Variants in ANO3 observed in about 807,000 individuals in gnomAD.
The protein encoded by ANO3 is anoctamin-3.
In ANO3, 99 loss-of-function variants were observed where a neutral mutation model predicts 144.8. That is an observed-to-expected ratio of 0.68 (90% CI 0.58 to 0.81). The LOEUF (loss-of-function observed/expected upper bound fraction) is 0.81, where lower values mean the gene tolerates loss of function less well. Among genes scored for constraint, ANO3 ranks in the 30% least tolerant of loss-of-function variants. The pLI is 0.00. For missense variants in ANO3, 905 were observed against 1,202.2 expected, an observed-to-expected ratio of 0.75 and a Z score of 3.66; for synonymous variants, 414 against 392.6, an observed-to-expected ratio of 1.05 and a Z score of -0.64.
intron 1 of ANO3, among the ~76,000 whole-genome samples, chr11:26,339,800 TTAACCTG>T (rs1855305890): frequency 6.6e-6 from 1 of 152,244 alleles, no homozygotes; most frequent in African/African-American, 2.4e-5. Flanking sequence ...AATAATATTC[TTAACCTG>T]TAGCGTATTA....
At chr11:26,233,490 G>T (rs1353285661) in intron 1 of ANO3, among the ~76,000 whole-genome samples, 1 of 152,188 alleles carries the variant, frequency 6.6e-6, no homozygotes, top group Non-Finnish European at 1.5e-5. Flanking sequence ...TTACACTGTT[G>T]ATGTGAGTGT....
intron 1 of ANO3, among the ~76,000 whole-genome samples, chr11:26,402,734 G>A (rs980832732): frequency 1.3e-5 from 2 of 151,792 alleles, no homozygotes; most frequent in African/African-American, 4.8e-5. Flanking sequence ...AGGAGGGAGA[G>A]GATCAAGACA....
intron 1 of ANO3, among the ~76,000 whole-genome samples, chr11:26,224,820 T>A (rs2133796034): frequency 1.3e-5 from 2 of 152,306 alleles, no homozygotes; most frequent in South Asian, 4.1e-4. Context: ...TGCTGGGCTT[T>A]GATCCATCTG....
intron 4 of ANO3, among the ~76,000 whole-genome samples, chr11:26,492,403 T>C (rs1441028209): frequency 1.3e-5 from 2 of 152,216 alleles, no homozygotes; most frequent in Non-Finnish European, 2.9e-5. Flanking sequence ...AACTTATCTG[T>C]TCAATAAAAC....
intron 26 of ANO3, among the ~76,000 whole-genome samples, chr11:26,657,690 A>G (rs1292837413): frequency 6.6e-6 from 1 of 152,066 alleles, no homozygotes; most frequent in Non-Finnish European, 1.5e-5. Context: ...AAAAAAATAC[A>G]TAGTATTAAT....
chr11:26,620,089 A>G (rs1852372322), intron 17 of ANO3, among the ~76,000 whole-genome samples: 1 of 152,212 alleles, frequency 6.6e-6, no homozygotes, highest in Non-Finnish European at 1.5e-5. Context: ...GCTCTTTCCT[A>G]GGCCTACCAT....
chr11:26,201,213 A>G (rs1851686096), intron 1 of ANO3, among the ~76,000 whole-genome samples: 1 of 152,248 alleles, frequency 6.6e-6, no homozygotes, highest in African/African-American at 2.4e-5. Flanking sequence ...TAAAAGTACA[A>G]CATTGACTAG....
chr11:26,194,682 T>C (rs566399366), intron 1 of ANO3, among the ~76,000 whole-genome samples: 44 of 152,000 alleles, frequency 2.9e-4, no homozygotes, highest in African/African-American at 9.9e-4. Flanking sequence ...GTATTTTTAG[T>C]AGAAACGAGG....
chr11:26,476,816 C>T (rs1405165305), intron 4 of ANO3, among the ~76,000 whole-genome samples: 1 of 151,770 alleles, frequency 6.6e-6, no homozygotes, highest in Non-Finnish European at 1.5e-5. Context: ...AGAAAAATCA[C>T]ACTGGAATTG....
intron 1 of ANO3, among the ~76,000 whole-genome samples, chr11:26,412,833 T>C (rs948399589): frequency 5.3e-5 from 8 of 151,726 alleles, no homozygotes; most frequent in African/African-American, 1.9e-4. Context: ...TGTGTGTATG[T>C]ATGCATTATT....
At chr11:26,347,276 A>C (rs1855520636) in intron 1 of ANO3, among the ~76,000 whole-genome samples, 2 of 152,246 alleles carry the variant, frequency 1.3e-5, no homozygotes, top group South Asian at 4.1e-4. Flanking sequence ...GGACCAGTGA[A>C]GTGCCTGCCA....
chr11:26,441,408 C>T (rs899390606), intron 1 of ANO3, among the ~76,000 whole-genome samples: 3 of 151,466 alleles, frequency 2.0e-5, no homozygotes, highest in Non-Finnish European at 4.4e-5. Flanking sequence ...TGAGCCACTG[C>T]GCCCGGCCTG....
intron 4 of ANO3, among the ~76,000 whole-genome samples, chr11:26,485,201 A>G (rs185965952): frequency 6.6e-6 from 1 of 152,302 alleles, no homozygotes; most frequent in African/African-American, 2.4e-5. Flanking sequence ...GGTAGGGGCC[A>G]GGGGCAGAAT....
chr11:26,389,860 C>T (rs750207011), intron 1 of ANO3, among the ~76,000 whole-genome samples: 1 of 151,998 alleles, frequency 6.6e-6, no homozygotes. Flanking sequence ...AAGAAGTTTA[C>T]AATAAACCTG....
At chr11:26,502,571 C>T (rs1157386381) in intron 4 of ANO3, among the ~76,000 whole-genome samples, 1 of 152,102 alleles carries the variant, frequency 6.6e-6, no homozygotes, top group African/African-American at 2.4e-5. Context: ...TGGATAAAGA[C>T]TGGCTGTGGT....
chr11:26,498,014 T>G (rs901055434), intron 4 of ANO3, among the ~76,000 whole-genome samples: 1 of 152,058 alleles, frequency 6.6e-6, no homozygotes, highest in Non-Finnish European at 1.5e-5. Context: ...GAAAGTTGTC[T>G]TTGCCAGCTG....
intron 6 of ANO3, among the ~76,000 whole-genome samples, chr11:26,523,575 T>C (rs959677787): frequency 2.6e-5 from 4 of 152,198 alleles, no homozygotes; most frequent in African/African-American, 4.8e-5. Flanking sequence ...AAAGTACTTA[T>C]AATGGCAAGT....
intron 21 of ANO3, among the ~76,000 whole-genome samples, chr11:26,640,502 G>A (rs1015556373): frequency 1.3e-5 from 2 of 152,158 alleles, no homozygotes; most frequent in Admixed American, 6.5e-5. Context: ...GAAAGAAATA[G>A]GAAATTAGAT....
intron 3 of ANO3, among the ~76,000 whole-genome samples, chr11:26,452,873 C>T (rs1450710069): frequency 6.6e-6 from 1 of 152,180 alleles, no homozygotes; most frequent in Non-Finnish European, 1.5e-5. Context: ...AGACTGACAG[C>T]AGATCTCTCG....
Sources: allele counts gnomAD v4.1 joint callset (sites outside exome capture counted in the v4.1 genomes callset), GRCh38; gene constraint gnomAD v4.1.1; transcripts MANE v1.5; gene names NCBI Gene and HGNC (gene_info 2026-07-23, HGNC 2026-07-21).